The following CCSER2 variants were observed in gnomAD, a reference collection of about 807,000 sequenced individuals.
The protein encoded by CCSER2 is coiled-coil serine rich protein 2.
Under a neutral mutation model 92.3 loss-of-function variants are expected in CCSER2, and 46 were observed. That is an observed-to-expected ratio of 0.50 (90% CI 0.39 to 0.64). CCSER2 has a LOEUF of 0.64. CCSER2 is among the 30% of genes least tolerant of loss of function. CCSER2 has a pLI of 0.00. For synonymous variants in CCSER2, 433 were observed against 431.4 expected, an observed-to-expected ratio of 1.00 and a Z score of -0.04; for missense variants, 1,244 against 1,238.9, an observed-to-expected ratio of 1.00 and a Z score of -0.06.
At chr10:84,348,384 T>G (rs1219443051) in intron 1 of CCSER2, among the ~76,000 whole-genome samples, 1 of 151,972 alleles carries the variant, frequency 6.6e-6, no homozygotes, top group East Asian at 1.9e-4. Flanking sequence ...GAGGTTGCAG[T>G]GAGCAGAGAT....
chr10:84,503,798 A>G (rs1848898315), intron 9 of CCSER2, among the ~76,000 whole-genome samples: 1 of 152,220 alleles, frequency 6.6e-6, no homozygotes, highest in South Asian at 2.1e-4. Flanking sequence ...TAAAACAATA[A>G]AAATTACATA....
At chr10:84,385,667 A>G (rs1209292832) in intron 3 of CCSER2, among the ~76,000 whole-genome samples, 1 of 152,218 alleles carries the variant, frequency 6.6e-6, no homozygotes, top group Non-Finnish European at 1.5e-5. Flanking sequence ...AAACCTAGGA[A>G]AAACTCTTCT....
intron 3 of CCSER2, among the ~76,000 whole-genome samples, chr10:84,392,454 C>T (rs927301326): frequency 5.3e-5 from 8 of 151,382 alleles, no homozygotes; most frequent in Non-Finnish European, 7.4e-5. Flanking sequence ...AATTCTATAG[C>T]GCACAATAAA....
intron 5 of CCSER2, among the ~76,000 whole-genome samples, chr10:84,427,929 T>A (rs1843527338): frequency 6.6e-6 from 1 of 152,166 alleles, no homozygotes; most frequent in African/African-American, 2.4e-5. Context: ...TTTGTCCTCA[T>A]TTCTCATTGT....
At chr10:84,377,106 A>C (rs547682028) in intron 3 of CCSER2, among the ~76,000 whole-genome samples, 2 of 152,138 alleles carry the variant, frequency 1.3e-5, no homozygotes, top group Middle Eastern at 6.8e-3. Context: ...GTATATTTAC[A>C]TTTTATATAT....
chr10:84,425,182 A>C, intron 4 of CCSER2: 1 of 984,526 alleles, frequency 1.0e-6, no homozygotes, highest in Non-Finnish European at 1.2e-6. Context: ...CTTTTTGAAC[A>C]AGCTCTTACT....
At chr10:84,456,135 A>G in intron 6 of CCSER2, 2 of 323,244 alleles carry the variant, frequency 6.2e-6, no homozygotes, top group South Asian at 6.1e-5. Flanking sequence ...GAGCCCTCAA[A>G]TCAAACACAG....
At chr10:84,501,417 A>G (rs1054368502) in intron 9 of CCSER2, among the ~76,000 whole-genome samples, 1 of 151,966 alleles carries the variant, frequency 6.6e-6, no homozygotes. Flanking sequence ...TTTTGTCACC[A>G]TGTTCCTCCC....
rs182406437 is a variant in CCSER2 at position 84,518,273 on chromosome 10, C to G, written c.*4006C>G. The G allele has an allele frequency of 3.9e-5, 6 of 152,662 alleles. No individual in the cohort carries two copies. In the East Asian group the frequency reaches 1.2e-3, roughly 29 times the overall value. The allele number at this position is 152,662 out of a possible 1,614,324, so 9.5% of individuals were successfully genotyped here. A position where few individuals can be genotyped will look rare whatever the true frequency, so the allele number is the denominator to read the frequency against. On this transcript the variant is annotated 3_prime_UTR_variant, in exon 10 of 10. Coordinates refer to ENST00000372088, the MANE Select transcript of CCSER2 (RefSeq NM_001284240.2). Reference sequence around the variant, plus strand: ...TAATCTTGTTGGGAATAAGCTTACCCACTTTCTCCTTGGTAAAGCGTTTAC... The same window carrying G: ...TAATCTTGTTGGGAATAAGCTTACCGACTTTCTCCTTGGTAAAGCGTTTAC...
chr10:84,446,186 C>A lies in CCSER2; in HGVS notation c.2064+7479C>A, dbSNP rs185215650. 4.7e-4 allele frequency among the ~76,000 whole-genome samples: 72 copies of A among 152,172 alleles called. No individual in the cohort carries two copies. The South Asian group carries it at 6.6e-3, about 14-fold the overall frequency. On this transcript the variant is annotated intron_variant, in intron 6 of 9. Coordinates refer to ENST00000372088, the MANE Select transcript of CCSER2 (RefSeq NM_001284240.2). ...GGAGTAATGGAAAGGCATGATGATA[C>A]CTCTTCCTAACATTTTATTTGCATT... is the stretch of plus-strand genomic sequence containing the variant.
chr10:84,364,027 G>GT (rs1845650797), intron 1 of CCSER2, among the ~76,000 whole-genome samples: 1 of 152,126 alleles, frequency 6.6e-6, no homozygotes, highest in Non-Finnish European at 1.5e-5. Context: ...GTAAGGAATT[G>GT]TTTATCTAAA....
intron 1 of CCSER2, among the ~76,000 whole-genome samples, chr10:84,349,167 C>T (rs2133059834): frequency 6.6e-6 from 1 of 152,172 alleles, no homozygotes; most frequent in South Asian, 2.1e-4. Flanking sequence ...TATTAAGGGC[C>T]TAAACACAAT....
chr10:84,418,373 T>TG (rs1842978640), intron 4 of CCSER2, among the ~76,000 whole-genome samples: 7 of 152,136 alleles, frequency 4.6e-5, no homozygotes, highest in Admixed American at 4.6e-4. Context: ...AGGTAATCCA[T>TG]ATGGGAGAGG....
chr10:84,331,906 T>C (rs1487645856), intron 1 of CCSER2, among the ~76,000 whole-genome samples: 1 of 152,256 alleles, frequency 6.6e-6, no homozygotes, highest in Non-Finnish European at 1.5e-5. Flanking sequence ...TGTTACAATG[T>C]CATTTCTTAA....
intron 7 of CCSER2, among the ~76,000 whole-genome samples, chr10:84,468,631 G>A (rs1024137907): frequency 1.3e-5 from 2 of 152,140 alleles, no homozygotes; most frequent in Non-Finnish European, 2.9e-5. Context: ...AACACAGTCC[G>A]AACCTACTGG....
At chr10:84,446,053 A>G (rs1844894845) in intron 6 of CCSER2, among the ~76,000 whole-genome samples, 2 of 150,492 alleles carry the variant, frequency 1.3e-5, no homozygotes, top group South Asian at 4.2e-4. Flanking sequence ...AGTTATACCT[A>G]CCCACTCTTT....
At chr10:84,474,076 T>TA (rs1427743755) in intron 8 of CCSER2, among the ~76,000 whole-genome samples, 1 of 152,200 alleles carries the variant, frequency 6.6e-6, no homozygotes, top group Non-Finnish European at 1.5e-5. Flanking sequence ...CAAACCTTAC[T>TA]AAAAAATGCT....
At chr10:84,471,909 G>A (rs1187837411) in intron 8 of CCSER2, among the ~76,000 whole-genome samples, 1 of 151,932 alleles carries the variant, frequency 6.6e-6, no homozygotes, top group Non-Finnish European at 1.5e-5. Context: ...TATGCTGAAG[G>A]AAGTTAGAAG....
At chr10:84,465,409 C>T (rs1033959016) in intron 7 of CCSER2, among the ~76,000 whole-genome samples, 19 of 148,052 alleles carry the variant, frequency 1.3e-4, no homozygotes, top group Non-Finnish European at 1.2e-4. Flanking sequence ...ACTGCAGCCT[C>T]GGCCTCCTGG....
Sources: gnomAD v4.1 joint callset for allele counts (sites outside exome capture counted in the v4.1 genomes callset) on GRCh38, gnomAD v4.1.1 for gene constraint, MANE v1.5 for transcripts, NCBI Gene and HGNC (gene_info 2026-07-23, HGNC 2026-07-21) for gene names.